The following AGMO variants were observed in gnomAD, a reference collection of about 807,000 sequenced individuals.
AGMO encodes alkylglycerol monooxygenase.
AGMO carries 75 observed loss-of-function variants against 60.2 expected under a neutral mutation model. The ratio of observed to expected loss-of-function variants is 1.25; its 90% confidence interval spans 1.03 to 1.51. AGMO has a LOEUF of 1.51. Among genes scored for constraint, AGMO ranks in the 40% most tolerant of loss-of-function variants. AGMO has a pLI of 0.00. For synonymous variants in AGMO, 261 were observed against 177.1 expected, an observed-to-expected ratio of 1.47 and a Z score of -3.76; for missense variants, 763 against 525.5, an observed-to-expected ratio of 1.45 and a Z score of -4.42.
At chr7:15,404,562 A>C (rs1342224999) in intron 5 of AGMO, among the ~76,000 whole-genome samples, 2 of 151,868 alleles carry the variant, frequency 1.3e-5, no homozygotes, top group South Asian at 4.1e-4. Flanking sequence ...TTTTATATTT[A>C]CAGGTTTAGG....
intron 12 of AGMO, among the ~76,000 whole-genome samples, chr7:15,322,445 A>T (rs1307297220): frequency 1.8e-5 from 2 of 109,284 alleles, no homozygotes; most frequent in African/African-American, 6.9e-5. Flanking sequence ...TATATATATA[A>T]ATATATATAT....
intron 12 of AGMO, among the ~76,000 whole-genome samples, chr7:15,363,633 T>G (rs973916763): frequency 3.0e-4 from 44 of 149,032 alleles, no homozygotes; most frequent in African/African-American, 1.1e-3. Context: ...TAAACTGCCA[T>G]CATCTTATCA....
chr7:15,438,591 T>G (rs1781462773), intron 3 of AGMO, among the ~76,000 whole-genome samples: 1 of 152,200 alleles, frequency 6.6e-6, no homozygotes, highest in African/African-American at 2.4e-5. Flanking sequence ...ATGTTTTACT[T>G]TGAGCCAAGG....
chr7:15,441,286 A>C (rs1482508173), intron 3 of AGMO, among the ~76,000 whole-genome samples: 2 of 152,204 alleles, frequency 1.3e-5, no homozygotes, highest in African/African-American at 4.8e-5. Context: ...AATACTTTGA[A>C]ATAAAAGTTA....
chr7:15,171,231 T>C, the AGMO span, among the ~76,000 whole-genome samples: 3 of 152,200 alleles, frequency 2.0e-5, no homozygotes, highest in Admixed American at 1.3e-4. Flanking sequence ...TCCACCTGCC[T>C]CAGCCTCCCA....
intron 12 of AGMO, among the ~76,000 whole-genome samples, chr7:15,290,399 TA>T (rs1201215470): frequency 6.6e-6 from 1 of 152,182 alleles, no homozygotes; most frequent in Admixed American, 6.5e-5. Context: ...GAAAATTTTC[TA>T]GGATATATTG....
chr7:15,526,804 C>T (rs1384610893), intron 3 of AGMO, among the ~76,000 whole-genome samples: 1 of 152,142 alleles, frequency 6.6e-6, no homozygotes, highest in Non-Finnish European at 1.5e-5. Context: ...CACCATTTTT[C>T]CAACAGCATG....
intron 5 of AGMO, among the ~76,000 whole-genome samples, chr7:15,411,959 G>A (rs570183642): frequency 6.6e-6 from 1 of 152,152 alleles, no homozygotes; most frequent in Non-Finnish European, 1.5e-5. Context: ...GGATGCTAAA[G>A]GGCAATAACC....
Position 15,277,311 on chromosome 7 carries a change from TAATAAATAAATAAATA to T in AGMO, c.1264-75968_1264-75953del, listed in dbSNP as rs35947599. Reference sequence around the variant, plus strand: ...CAGAGCAAGACTCTGTCTCAAAAAATAATAAATAAATAAATAAATAAATAAATAAATAAATAAATAA... The same window carrying T: ...CAGAGCAAGACTCTGTCTCAAAAAATAATAAATAAATAAATAAATAAATAA... On this transcript the variant is annotated intron_variant, in intron 12 of 12. Coordinates refer to ENST00000342526, the MANE Select transcript of AGMO (RefSeq NM_001004320.2). Among the ~76,000 whole-genome samples the T allele has an allele frequency of 8.5e-4, 123 of 144,984 alleles. 1 individual carries two copies. Among genetic ancestry groups the T allele is most frequent in the African/African-American group, 2.2e-3 (85 of 39,426 alleles).
At chr7:15,253,150 A>T (rs1421969314) in intron 12 of AGMO, among the ~76,000 whole-genome samples, 1 of 152,178 alleles carries the variant, frequency 6.6e-6, no homozygotes, top group Non-Finnish European at 1.5e-5. Context: ...GCATAGAAAA[A>T]TTGACAACAT....
the AGMO span, among the ~76,000 whole-genome samples, chr7:15,165,460 A>G: frequency 9.8e-5 from 15 of 152,328 alleles, no homozygotes; most frequent in African/African-American, 3.1e-4. Flanking sequence ...AGGGTAACTT[A>G]ATATGGTAAA....
chr7:15,491,932 T>G (rs1166218264), intron 3 of AGMO, among the ~76,000 whole-genome samples: 3 of 152,174 alleles, frequency 2.0e-5, no homozygotes, highest in African/African-American at 7.2e-5. Context: ...TTGTCTTGCT[T>G]CCACACCCAT....
At chr7:15,355,221 G>A (rs1049410499) in intron 12 of AGMO, among the ~76,000 whole-genome samples, 5 of 152,128 alleles carry the variant, frequency 3.3e-5, no homozygotes, top group East Asian at 1.9e-4. Context: ...AGCCAATATT[G>A]GCTGGGCACG....
intron 3 of AGMO, among the ~76,000 whole-genome samples, chr7:15,436,993 C>T (rs1220646565): frequency 6.6e-6 from 1 of 151,752 alleles, no homozygotes; most frequent in African/African-American, 2.4e-5. Context: ...TTGGAGGTGC[C>T]CATATAAATG....
intron 12 of AGMO, among the ~76,000 whole-genome samples, chr7:15,342,172 T>TAAAAAAAAAAAAATAAAAA (rs1781874940): frequency 1.8e-5 from 1 of 54,310 alleles, no homozygotes; most frequent in Non-Finnish European, 3.2e-5. Context: ...CCCACAGAGT[T>TAAAAAAAAAAAAATAAAAA]AAAAAAAAAA....
At chr7:15,367,420 A>G (rs1455184918) in intron 10 of AGMO, among the ~76,000 whole-genome samples, 4 of 152,038 alleles carry the variant, frequency 2.6e-5, no homozygotes, top group South Asian at 2.1e-4. Flanking sequence ...TACATTCCCA[A>G]TAACTTGGCA....
chr7:15,525,895 T>C (rs531646416), intron 3 of AGMO, among the ~76,000 whole-genome samples: 10 of 152,276 alleles, frequency 6.6e-5, no homozygotes, highest in African/African-American at 2.2e-4. Context: ...CAGGCACCTC[T>C]CTCTGGGCAC....
intron 3 of AGMO, among the ~76,000 whole-genome samples, chr7:15,486,466 T>C (rs1386673680): frequency 6.6e-6 from 1 of 152,196 alleles, no homozygotes; most frequent in Non-Finnish European, 1.5e-5. Flanking sequence ...AACATTCAAA[T>C]GACTGCTGAA....
Position 15,529,155 on chromosome 7 carries a change from G to A in AGMO, c.409+15617C>T, listed in dbSNP as rs189360891. Among the ~76,000 whole-genome samples the A allele has an allele frequency of 1.1e-4, 16 of 152,002 alleles. No individual in the cohort carries two copies. In the East Asian group the frequency reaches 2.3e-3, roughly 22 times the overall value. On this transcript the variant is annotated intron_variant, in intron 3 of 12. Coordinates refer to ENST00000342526, the MANE Select transcript of AGMO (RefSeq NM_001004320.2). ...ACTGACAACATTAGATAATATAATC[G>A]ATTTATTGCTCAATTTCTTAGGTAT...
Sources: allele counts gnomAD v4.1 joint callset (sites outside exome capture counted in the v4.1 genomes callset), GRCh38; gene constraint gnomAD v4.1.1; transcripts MANE v1.5; gene names NCBI Gene and HGNC (gene_info 2026-07-23, HGNC 2026-07-21).